Variants in SSR1 observed in about 807,000 individuals in gnomAD.
SSR1 encodes translocon-associated protein subunit alpha.
SSR1 carries 13 observed loss-of-function variants against 36.1 expected under a neutral mutation model. That is an observed-to-expected ratio of 0.36 (90% CI 0.23 to 0.57). The LOEUF is 0.57. SSR1 is among the 20% of genes least tolerant of loss of function. The probability of loss-of-function intolerance (pLI) is 0.81; values close to 1 mark genes in which losing one functional copy is unlikely to be tolerated. For missense variants in SSR1, 291 were observed against 338.5 expected (o/e 0.86, Z 1.10); for synonymous variants, 113 against 118.9 (o/e 0.95, Z 0.32).
intron 7 of SSR1, 192 bp downstream of exon 7, chr6:7,295,200 T>C: frequency 7.4e-7 from 1 of 1,353,932 alleles, no homozygotes. Flanking sequence ...ATTTCCAAAT[T>C]AAAGCATAAG....
chr6:7,305,546 A>C (rs1327252873), intron 2 of SSR1, among the ~76,000 whole-genome samples: 2 of 152,258 alleles, frequency 1.3e-5, no homozygotes. Flanking sequence ...TGAACAGTAT[A>C]AGCAGATGTG....
chr6:7,303,890 G>C (rs536035892), intron 2 of SSR1, among the ~76,000 whole-genome samples: 1 of 152,150 alleles, frequency 6.6e-6, no homozygotes, highest in African/African-American at 2.4e-5. Flanking sequence ...GGAAGGCTAA[G>C]GCAGGAGAAT....
chr6:7,305,808 T>C (rs1246641612), intron 2 of SSR1, among the ~76,000 whole-genome samples: 2 of 152,256 alleles, frequency 1.3e-5, no homozygotes, highest in East Asian at 1.9e-4. Flanking sequence ...CTGAAGGCAA[T>C]GTTGCTGCCA....
intron 7 of SSR1, chr6:7,295,039 G>C (rs538838473): frequency 1.4e-6 from 2 of 1,452,346 alleles, no homozygotes; most frequent in African/African-American, 3.0e-5. Flanking sequence ...TGCTATTTGA[G>C]AGCCCCCAAT....
chr6:7,310,574 T>C (rs1046021009), intron 1 of SSR1, among the ~76,000 whole-genome samples: 15 of 152,310 alleles, frequency 9.8e-5, no homozygotes, highest in African/African-American at 3.6e-4. Flanking sequence ...ATCCCTGTCA[T>C]TAACCATACA....
At position 7,307,045 on chromosome 6, in the gene SSR1, CT is replaced by C. The variant is rs558457266; in HGVS notation, c.192+2871del. Among the ~76,000 whole-genome samples the C allele has an allele frequency of 3.7e-3, 566 of 152,288 alleles. 6 individuals carry two copies. Among genetic ancestry groups the C allele is most frequent in the African/African-American group, 0.013 (538 of 41,554 alleles). ...TATCTTAGATCTTATGAAAAACCCCCTTTTCCTTCACTTGACTCCAGGACAC... is the reference window on the plus strand; with the variant it reads ...TATCTTAGATCTTATGAAAAACCCCCTTTCCTTCACTTGACTCCAGGACAC... On this transcript the variant is annotated intron_variant, in intron 2 of 7. Coordinates refer to ENST00000244763, the MANE Select transcript of SSR1 (RefSeq NM_003144.5).
At chr6:7,309,156 T>C (rs1277143934) in intron 2 of SSR1, among the ~76,000 whole-genome samples, 1 of 152,224 alleles carries the variant, frequency 6.6e-6, no homozygotes, top group Non-Finnish European at 1.5e-5. Flanking sequence ...TAAATTTTTG[T>C]ATAAGGATAA....
intron 3 of SSR1, among the ~76,000 whole-genome samples, chr6:7,302,285 AG>A (rs1757953836): frequency 6.6e-6 from 1 of 152,248 alleles, no homozygotes; most frequent in South Asian, 2.1e-4. Flanking sequence ...TGGGGCCAAC[AG>A]ATCTAGGTCT....
In SSR1 at chr6:7,283,900, C is replaced by T. The variant is rs1009132164; in HGVS notation, c.*5964G>A. On this transcript the variant is annotated 3_prime_UTR_variant, in exon 8 of 8. Transcript: ENST00000244763. The stretch of plus-strand genomic sequence containing the variant: ...CAGACCAAACGTGAGGAGTGAGTGC[C>T]TCTGTGCTCCTTGAGGCTGTTTCAT... 3 of 152,212 alleles carry T rather than the reference C, an allele frequency of 2.0e-5. No homozygotes were observed. Among genetic ancestry groups the T allele is most frequent in the Non-Finnish European group, 4.4e-5 (3 of 68,062 alleles). 9.4% of individuals were successfully genotyped at this position (152,212 alleles called of 1,614,324 possible). A position where few individuals can be genotyped will look rare whatever the true frequency, so the allele number is the denominator to read the frequency against.
intron 7 of SSR1, among the ~76,000 whole-genome samples, chr6:7,294,136 A>G (rs1417563968): frequency 1.3e-5 from 2 of 152,166 alleles, no homozygotes; most frequent in Admixed American, 6.5e-5. Flanking sequence ...TGAAAAAATA[A>G]AAGTAACCAA....
rs1179192493 is a variant in SSR1 at position 7,287,638 on chromosome 6, TA to T, written c.*2225del. ...GGATAGGTTTGATACACAAGATCCTTAAAGTCATTTTACATATTCTGAAACC... is the reference window on the plus strand; with the variant it reads ...GGATAGGTTTGATACACAAGATCCTTAAGTCATTTTACATATTCTGAAACC... On this transcript the variant is annotated 3_prime_UTR_variant, in exon 8 of 8. Coordinates refer to ENST00000244763, the MANE Select transcript of SSR1 (RefSeq NM_003144.5). 1 of 152,488 alleles carries T rather than the reference TA, an allele frequency of 6.6e-6. No homozygotes were observed. The highest frequency in any genetic ancestry group is 2.4e-5 in the African/African-American group (1 of 41,464). The allele number at this position is 152,488 out of a possible 1,614,324, so 9.4% of individuals were successfully genotyped here.
intron 2 of SSR1, among the ~76,000 whole-genome samples, chr6:7,305,662 G>A (rs1758038071): frequency 6.6e-6 from 1 of 152,214 alleles, no homozygotes; most frequent in Admixed American, 6.5e-5. Context: ...AGGTGGAAGG[G>A]TTAGCCTTAG....
chr6:7,295,587 T>A, intron 6 of SSR1, 102 bp from the exon 7 acceptor site: 1 of 783,718 alleles, frequency 1.3e-6, no homozygotes, highest in Non-Finnish European at 1.9e-6. Context: ...CCAGGCTGCC[T>A]GGAACTCCTG....
At position 7,286,614 on chromosome 6, in the gene SSR1, A is replaced by T. The variant is rs922570544; in HGVS notation, c.*3250T>A. On this transcript the variant is annotated 3_prime_UTR_variant, in exon 8 of 8. Coordinates refer to ENST00000244763, the MANE Select transcript of SSR1 (RefSeq NM_003144.5). ...TACAGCTATAAAATGATGCCATTCA[A>T]AAAGTGAACAGTGGGCCGGGCACAG... 6.6e-6 allele frequency: 1 copy of T among 152,240 alleles called. No individual in the cohort carries two copies. The highest frequency in any genetic ancestry group is 2.4e-5 in the African/African-American group (1 of 41,468). 9.4% of individuals were successfully genotyped at this position (152,240 alleles called of 1,614,324 possible).
chr6:7,311,526 A>G (rs1758194975), intron 1 of SSR1, among the ~76,000 whole-genome samples: 1 of 152,260 alleles, frequency 6.6e-6, no homozygotes, highest in African/African-American at 2.4e-5. Flanking sequence ...AAGAGATTTC[A>G]CTGCCTGCTG....
rs776215797 is a variant in SSR1, at chr6:7,301,309, C to A, written c.543+1G>T. 2 of 1,612,790 alleles carry A rather than the reference C, an allele frequency of 1.2e-6. No individual in the cohort carries two copies. The highest frequency in any genetic ancestry group is 1.7e-6 in the Non-Finnish European group (2 of 1,179,656). ...CAAAAAGAAGGTTTAGAGGATCTTA[C>A]GTTCAAATCTTTGTAGTTCAGATTG... On this transcript the variant is annotated splice_donor_variant, in intron 4 of 7. Transcript: ENST00000244763. LOFTEE classifies it high-confidence loss of function.
intron 7 of SSR1, among the ~76,000 whole-genome samples, chr6:7,291,560 C>A (rs1208703972): frequency 1.3e-5 from 2 of 152,164 alleles, no homozygotes; most frequent in Non-Finnish European, 1.5e-5. Context: ...CTTCAACTTA[C>A]CTAAAACTGA....
At position 7,282,209 on chromosome 6, in the gene SSR1, AC is replaced by A. The variant is rs1757437015; in HGVS notation, c.*7654del. On this transcript the variant is annotated 3_prime_UTR_variant, in exon 8 of 8. Transcript: ENST00000244763. ...AAGAAGAGCTAAAGGAAAGCTGAAA[AC>A]CTGGCGACGAAAAGGAAGCCAAGAA... is the stretch of plus-strand genomic sequence containing the variant. 6.6e-6 allele frequency: 1 copy of A among 152,272 alleles called. No homozygotes were observed. The highest frequency in any genetic ancestry group is 1.5e-5 in the Non-Finnish European group (1 of 68,128). The allele number at this position is 152,272 out of a possible 1,614,324, so 9.4% of individuals were successfully genotyped here.
At chr6:7,300,290 TTCC>T (rs1205247183) in intron 4 of SSR1, among the ~76,000 whole-genome samples, 2 of 152,164 alleles carry the variant, frequency 1.3e-5, no homozygotes, top group African/African-American at 2.4e-5. Flanking sequence ...AAAATAAAAT[TTCC>T]TCGTCTGAAA....
Sources: allele counts gnomAD v4.1 joint callset (sites outside exome capture counted in the v4.1 genomes callset), GRCh38; gene constraint gnomAD v4.1.1; transcripts MANE v1.5; gene names NCBI Gene and HGNC (gene_info 2026-07-23, HGNC 2026-07-21).